TJP1: variants seen among roughly 807,000 people sequenced by gnomAD.
The protein encoded by TJP1 is tight junction protein 1, also known as tight junction protein ZO-1.
A neutral mutation model predicts 194.2 loss-of-function variants in TJP1; 43 were observed. That is an observed-to-expected ratio of 0.22 (90% CI 0.17 to 0.29). The LOEUF (loss-of-function observed/expected upper bound fraction) is 0.29. Among genes scored for constraint, TJP1 ranks in the 10% least tolerant of loss-of-function variants. The pLI, the probability that TJP1 is intolerant of heterozygous loss-of-function variation, is 1.00. For synonymous variants in TJP1, 801 were observed against 779.0 expected, an observed-to-expected ratio of 1.03 and a Z score of -0.47; for missense variants, 1,971 against 2,185.7, an observed-to-expected ratio of 0.90 and a Z score of 1.96.
At chr15:29,940,290 C>T (rs1486027520) in intron 2 of TJP1, among the ~76,000 whole-genome samples, 2 of 152,184 alleles carry the variant, frequency 1.3e-5, no homozygotes, top group East Asian at 1.9e-4. Flanking sequence ...AGCCAGCACA[C>T]AGAGCGTGTG....
At chr15:29,800,831 A>T in intron 1 of TJP1, 129 bp from the exon 2 acceptor site, 1 of 811,914 alleles carries the variant, frequency 1.2e-6, no homozygotes, top group South Asian at 2.0e-5. Flanking sequence ...AGACACTCTG[A>T]AAGGACCTTA....
chr15:29,934,348 A>G lies in TJP1; in HGVS notation c.306+21884T>C, dbSNP rs187737912. 2.4e-3 allele frequency among the ~76,000 whole-genome samples: 371 copies of G among 152,352 alleles called. 2 individuals carry two copies. Among genetic ancestry groups the G allele is most frequent in the African/African-American group, 8.6e-3 (358 of 41,586 alleles). On this transcript the variant is annotated intron_variant, in intron 2 of 28. Transcript: ENST00000356107. ...CAGTTTAAGGTACAGCATTAAGAGCAAAACAATTCACGGTGAAATACCCCA... is the reference window on the plus strand; with the variant it reads ...CAGTTTAAGGTACAGCATTAAGAGCGAAACAATTCACGGTGAAATACCCCA...
intron 2 of TJP1, among the ~76,000 whole-genome samples, chr15:29,874,965 C>T (rs543990789): frequency 6.6e-6 from 1 of 152,340 alleles, no homozygotes; most frequent in Non-Finnish European, 1.5e-5. Context: ...ATTAGATTTT[C>T]ATTCTCTTCC....
chr15:29,789,120 C>CT lies in TJP1; in HGVS notation c.84+11525dup, dbSNP rs199818430. Among the ~76,000 whole-genome samples the CT allele has an allele frequency of 8.9e-3, 1,347 of 150,944 alleles. 24 individuals carry two copies. The highest frequency in any genetic ancestry group is 0.068 in the East Asian group (351 of 5,146). The stretch of plus-strand genomic sequence containing the variant: ...TATAAAGTTAGTTTCACCTGTTTTT[C>CT]TTTTTTTTTACAGTTTTTAATAAGA... On this transcript the variant is annotated intron_variant, in intron 2 of 27. Coordinates refer to ENST00000614355, the MANE Select transcript of TJP1 (RefSeq NM_001330239.4).
At chr15:29,916,182 T>G (rs150919566) in intron 2 of TJP1, among the ~76,000 whole-genome samples, 2 of 149,662 alleles carry the variant, frequency 1.3e-5, no homozygotes, top group Non-Finnish European at 3.0e-5. Context: ...GAGGTGGAGG[T>G]TGCAGTGAGA....
intron 5 of TJP1, among the ~76,000 whole-genome samples, chr15:29,764,428 G>C (rs1179476124): frequency 1.3e-5 from 2 of 152,174 alleles, no homozygotes; most frequent in African/African-American, 2.4e-5. Context: ...AACTAATAAA[G>C]AAAGGGGCAA....
intron 2 of TJP1, among the ~76,000 whole-genome samples, chr15:29,796,979 T>C (rs1029348134): frequency 8.6e-5 from 13 of 151,458 alleles, no homozygotes; most frequent in Non-Finnish European, 1.3e-4. Context: ...AAAAAAAATC[T>C]CTCTGCCCGT....
chr15:29,855,492 C>T (rs899700147), intron 2 of TJP1, among the ~76,000 whole-genome samples: 2 of 151,962 alleles, frequency 1.3e-5, no homozygotes, highest in Non-Finnish European at 2.9e-5. Flanking sequence ...CAAAATAGCA[C>T]GTGTAGCTCC....
At chr15:29,748,683 C>T (rs2044997278) in intron 8 of TJP1, among the ~76,000 whole-genome samples, 1 of 150,968 alleles carries the variant, frequency 6.6e-6, no homozygotes, top group African/African-American at 2.4e-5. Flanking sequence ...AGCAATCCTC[C>T]CACCTCAGCC....
At chr15:29,838,745 T>A (rs531808489) in intron 2 of TJP1, among the ~76,000 whole-genome samples, 1 of 152,052 alleles carries the variant, frequency 6.6e-6, no homozygotes, top group East Asian at 1.9e-4. Flanking sequence ...GACTCTCTCA[T>A]GTTACTCCTT....
At chr15:29,729,847 A>AGGGTC (rs1181957801) in intron 15 of TJP1, among the ~76,000 whole-genome samples, 1 of 151,158 alleles carries the variant, frequency 6.6e-6, no homozygotes, top group Non-Finnish European at 1.5e-5. Flanking sequence ...AAGGTTACTG[A>AGGGTC]GGGTCATATA....
intron 2 of TJP1, among the ~76,000 whole-genome samples, chr15:29,869,792 T>G (rs956891208): frequency 4.0e-5 from 5 of 123,702 alleles, no homozygotes; most frequent in African/African-American, 1.5e-4. Context: ...TCTTTCTTTC[T>G]TTCTTTTTTT....
intron 23 of TJP1, among the ~76,000 whole-genome samples, chr15:29,714,471 C>T (rs1243885405): frequency 6.6e-6 from 1 of 151,206 alleles, no homozygotes; most frequent in African/African-American, 2.4e-5. Flanking sequence ...ATCTCCTGAC[C>T]TCATGATCCA....
intron 2 of TJP1, among the ~76,000 whole-genome samples, chr15:29,785,499 A>G (rs1233504005): frequency 1.3e-5 from 2 of 152,220 alleles, no homozygotes. Flanking sequence ...GGTTCCTTAA[A>G]AAAAAATTCC....
chr15:29,925,484 C>G (rs377056186), intron 2 of TJP1, among the ~76,000 whole-genome samples: 33 of 152,342 alleles, frequency 2.2e-4, no homozygotes, highest in African/African-American at 6.7e-4. Context: ...CCTGGTTACT[C>G]AAGAAAGCTA....
chr15:29,803,259 TAC>T (rs1457317667), intron 1 of TJP1, among the ~76,000 whole-genome samples: 1 of 152,328 alleles, frequency 6.6e-6, no homozygotes, highest in East Asian at 1.9e-4. Flanking sequence ...ACATTTCGAA[TAC>T]AGACAGTCCC....
rs2041477544 is a variant in TJP1, at chr15:29,700,558, G to C, written c.*1037C>G. On this transcript the variant is annotated 3_prime_UTR_variant, in exon 28 of 28. Coordinates refer to ENST00000614355, the MANE Select transcript of TJP1 (RefSeq NM_001330239.4). ...GGAGAGAATACAAAGGTAGCCTTTA[G>C]AAACGTGGTCTTGTTTATGTATAAA... 5.0e-6 allele frequency: 2 copies of C among 397,962 alleles called. No homozygotes were observed. Among genetic ancestry groups the C allele is most frequent in the Admixed American group, 8.8e-5 (2 of 22,684 alleles). 24.7% of individuals were successfully genotyped at this position (397,962 alleles called of 1,614,324 possible).
intron 10 of TJP1, among the ~76,000 whole-genome samples, chr15:29,739,736 C>A (rs560450537): frequency 2.1e-3 from 318 of 152,202 alleles, no homozygotes; most frequent in Middle Eastern, 3.4e-3. Flanking sequence ...TGAGCCACTG[C>A]GCCCGGCCAG....
chr15:29,808,207 G>T (rs2049236845), intron 1 of TJP1, among the ~76,000 whole-genome samples: 1 of 152,192 alleles, frequency 6.6e-6, no homozygotes, highest in Non-Finnish European at 1.5e-5. Context: ...GGTGGAGTTT[G>T]CAGTGAGCCG....
Sources: gnomAD v4.1 joint callset for allele counts (sites outside exome capture counted in the v4.1 genomes callset) on GRCh38, gnomAD v4.1.1 for gene constraint, MANE v1.5 for transcripts, NCBI Gene and HGNC (gene_info 2026-07-23, HGNC 2026-07-21) for gene names.